Variants in PSD3 observed in about 807,000 individuals in gnomAD.
The protein encoded by PSD3 is PH and SEC7 domain-containing protein 3.
PSD3 carries 49 observed loss-of-function variants against 105.5 expected under a neutral mutation model. That is an observed-to-expected ratio of 0.46 (90% CI 0.37 to 0.59). The LOEUF (loss-of-function observed/expected upper bound fraction) is 0.59. Among genes scored for constraint, PSD3 ranks in the 20% least tolerant of loss-of-function variants. PSD3 has a pLI of 0.00. For synonymous variants in PSD3, 557 were observed against 457.8 expected (o/e 1.22, Z -2.77); for missense variants, 1,561 against 1,263.8 (o/e 1.24, Z -3.57).
intron 4 of PSD3, among the ~76,000 whole-genome samples, chr8:18,852,254 T>G (rs977708573): frequency 6.6e-6 from 1 of 152,108 alleles, no homozygotes; most frequent in Non-Finnish European, 1.5e-5. Context: ...TATCTACAAG[T>G]GATAGACCAG....
chr8:18,832,797 G>T (rs931298110), intron 4 of PSD3, among the ~76,000 whole-genome samples: 1 of 152,148 alleles, frequency 6.6e-6, no homozygotes, highest in African/African-American at 2.4e-5. Context: ...AGGTGCAGGG[G>T]AACTGCCCTT....
intron 9 of PSD3, among the ~76,000 whole-genome samples, chr8:18,732,444 G>T (rs961487726): frequency 6.6e-6 from 1 of 152,258 alleles, no homozygotes; most frequent in Non-Finnish European, 1.5e-5. Context: ...CACAAGTGCA[G>T]TCTGGGGCAG....
intron 1 of PSD3, chr8:19,000,468 C>CCT (rs1563499120): frequency 6.6e-6 from 1 of 150,806 alleles, no homozygotes; most frequent in Non-Finnish European, 1.5e-5. Context: ...TCTGAGACTG[C>CCT]TACATCACAC....
intron 4 of PSD3, among the ~76,000 whole-genome samples, chr8:18,828,628 C>G (rs1267638560): frequency 6.6e-6 from 1 of 152,020 alleles, no homozygotes; most frequent in Non-Finnish European, 1.5e-5. Context: ...TGGTGGACTC[C>G]CATCTCTACC....
intron 1 of PSD3, among the ~76,000 whole-genome samples, chr8:18,942,486 C>T (rs1003288176): frequency 6.6e-6 from 1 of 152,092 alleles, no homozygotes; most frequent in East Asian, 1.9e-4. Flanking sequence ...GAATTGTGTC[C>T]CCCCAAGATT....
intron 6 of PSD3, among the ~76,000 whole-genome samples, chr8:18,803,799 T>C (rs992732222): frequency 1.3e-4 from 20 of 151,258 alleles, no homozygotes; most frequent in Admixed American, 1.2e-3. Flanking sequence ...AAAAAAGTCA[T>C]TGTTTAACGA....
chr8:18,970,947 C>T (rs981761504), intron 1 of PSD3, among the ~76,000 whole-genome samples: 3 of 151,244 alleles, frequency 2.0e-5, no homozygotes, highest in East Asian at 1.9e-4. Flanking sequence ...CCACTGCACT[C>T]CACCCTAAGT....
intron 8 of PSD3, chr8:18,774,970 G>C (rs1563251372): frequency 2.2e-6 from 1 of 455,974 alleles, no homozygotes; most frequent in Non-Finnish European, 4.4e-6. Flanking sequence ...AGAGAAAAGT[G>C]CCCATTAATC....
chr8:18,673,119 A>G (rs763651825), intron 9 of PSD3, among the ~76,000 whole-genome samples: 12 of 152,010 alleles, frequency 7.9e-5, no homozygotes, highest in Non-Finnish European at 1.8e-4. Context: ...TGGTTTTTCT[A>G]TTTTCAATAT....
chr8:18,565,945 C>A (rs181893767), intron 14 of PSD3, among the ~76,000 whole-genome samples: 1 of 152,010 alleles, frequency 6.6e-6, no homozygotes, highest in African/African-American at 2.4e-5. Context: ...GAGGCCCTCA[C>A]GACAAAGAAT....
At chr8:18,815,263 C>T (rs1812118506) in intron 4 of PSD3, among the ~76,000 whole-genome samples, 1 of 152,084 alleles carries the variant, frequency 6.6e-6, no homozygotes, top group Admixed American at 6.6e-5. Flanking sequence ...CCAAATTTTA[C>T]CATCTCTATT....
chr8:18,617,893 C>A (rs76545385), intron 11 of PSD3, among the ~76,000 whole-genome samples: 1 of 152,106 alleles, frequency 6.6e-6, no homozygotes, highest in Admixed American at 6.6e-5. Flanking sequence ...AATGCATTTT[C>A]TTTGACATAT....
At chr8:18,845,147 TA>T (rs1400925906) in intron 4 of PSD3, among the ~76,000 whole-genome samples, 2 of 152,214 alleles carry the variant, frequency 1.3e-5, no homozygotes, top group African/African-American at 4.8e-5. Context: ...GCTTTGAAAG[TA>T]AAAAGAATAT....
chr8:18,807,384 G>T (rs1057356145), intron 4 of PSD3, among the ~76,000 whole-genome samples: 4 of 152,138 alleles, frequency 2.6e-5, no homozygotes, highest in African/African-American at 9.7e-5. Flanking sequence ...TTATCGGCAA[G>T]CACCTGACAT....
chr8:18,543,257 CTCCT>C (rs200092292), intron 15 of PSD3, among the ~76,000 whole-genome samples: 2,426 of 152,104 alleles, frequency 0.016, 25 homozygotes, highest in Non-Finnish European at 0.024. Flanking sequence ...TGTGTAACCC[CTCCT>C]TATTACATTT....
At chr8:18,764,648 C>T (rs1228558051) in intron 9 of PSD3, among the ~76,000 whole-genome samples, 1 of 152,148 alleles carries the variant, frequency 6.6e-6, no homozygotes, top group East Asian at 1.9e-4. Flanking sequence ...CATATCATAT[C>T]ATACATTTCC....
chr8:18,798,540 TA>T (rs1328754347), intron 8 of PSD3, among the ~76,000 whole-genome samples: 1 of 152,156 alleles, frequency 6.6e-6, no homozygotes, highest in African/African-American at 2.4e-5. Context: ...ATCAATTTTT[TA>T]TATGTAATTT....
chr8:18,561,085 G>C (rs919604587), intron 14 of PSD3, among the ~76,000 whole-genome samples: 17 of 152,192 alleles, frequency 1.1e-4, no homozygotes, highest in South Asian at 6.2e-4. Flanking sequence ...TCCCACTTCT[G>C]AGTATGTAGC....
chr8:18,772,126 T>C (rs1018832852), intron 8 of PSD3, among the ~76,000 whole-genome samples: 1 of 152,212 alleles, frequency 6.6e-6, no homozygotes. Context: ...TATACATAAA[T>C]CTGTGGATGA....
Sources: gnomAD v4.1 joint callset for allele counts (sites outside exome capture counted in the v4.1 genomes callset) on GRCh38, gnomAD v4.1.1 for gene constraint, MANE v1.5 for transcripts, NCBI Gene and HGNC (gene_info 2026-07-23, HGNC 2026-07-21) for gene names.